Variants in PCDHGB6 observed in about 807,000 individuals in gnomAD.
PCDHGB6 encodes the protein protocadherin gamma-B6.
In PCDHGB6, 51 loss-of-function variants were observed where a neutral mutation model predicts 59.1. That is an observed-to-expected ratio of 0.86 (90% CI 0.69 to 1.09). The LOEUF is 1.09. Among genes scored for constraint, PCDHGB6 ranks in the 50% least tolerant of loss-of-function variants. The pLI is 0.00. For synonymous variants in PCDHGB6, 466 were observed against 495.1 expected (o/e 0.94, Z 0.78); for missense variants, 1,148 against 1,205.1 (o/e 0.95, Z 0.70).
intron 2 of PCDHGB6, among the ~76,000 whole-genome samples, chr5:141,505,007 C>T (rs1210694913): frequency 6.6e-6 from 1 of 152,050 alleles, no homozygotes; most frequent in Non-Finnish European, 1.5e-5. Flanking sequence ...ACTAAAAATA[C>T]AAAAATTAGC....
rs924491576 is a variant in PCDHGB6, at chr5:141,491,579, C to T, written c.2419-3228C>T. On this transcript the variant is annotated intron_variant, in intron 1 of 3. Coordinates refer to ENST00000520790, the MANE Select transcript of PCDHGB6 (RefSeq NM_018926.3). This position sits in a 1 kb window ranked among gnomAD's most constrained non-coding sequence, Gnocchi z 6.9. ...CACTGCTACAGGACGTGCTTTTCAC[C>T]GGCCTCGGACGGCAGTGACTTCACT... is the stretch of plus-strand genomic sequence containing the variant. 18 of 1,613,810 alleles carry T rather than the reference C, an allele frequency of 1.1e-5. No homozygotes were observed. Among genetic ancestry groups the T allele is most frequent in the Non-Finnish European group, 1.4e-5 (17 of 1,180,044 alleles).
chr5:141,449,724 A>AT (rs911465424), intron 1 of PCDHGB6, among the ~76,000 whole-genome samples: 1 of 151,176 alleles, frequency 6.6e-6, no homozygotes, highest in African/African-American at 2.4e-5. Context: ...ATATGATATG[A>AT]TTTTTTTATG....
intron 1 of PCDHGB6, among the ~76,000 whole-genome samples, chr5:141,463,073 C>G (rs911706393): frequency 6.6e-6 from 1 of 152,110 alleles, no homozygotes; most frequent in African/African-American, 2.4e-5. Flanking sequence ...AAATGAAATT[C>G]AAACATTTTC....
chr5:141,467,907 C>A (rs1166486426), intron 1 of PCDHGB6, among the ~76,000 whole-genome samples: 1 of 152,156 alleles, frequency 6.6e-6, no homozygotes, highest in Non-Finnish European at 1.5e-5. Flanking sequence ...AATCCGCCCA[C>A]CTCAGCCTCC....
chr5:141,491,884 G>C lies in PCDHGB6; in HGVS notation c.2419-2923G>C, dbSNP rs745931108. 5.0e-5 allele frequency: 73 copies of C among 1,446,372 alleles called. No homozygotes were observed. The highest frequency in any genetic ancestry group is 6.3e-5 in the Non-Finnish European group (69 of 1,094,334). The allele number at this position is 1,446,372 out of a possible 1,614,324, so 89.6% of individuals were successfully genotyped here. A position where few individuals can be genotyped will look rare whatever the true frequency, so the allele number is the denominator to read the frequency against. On this transcript the variant is annotated intron_variant, in intron 1 of 3. Coordinates refer to ENST00000520790, the MANE Select transcript of PCDHGB6 (RefSeq NM_018926.3). The surrounding 1 kb of genome is among the most constrained non-coding windows in gnomAD (Gnocchi z 6.9). The stretch of plus-strand genomic sequence containing the variant: ...AACCAGAGTGGCCGATTAAGGGATG[G>C]GGCTCCGAGCACCGGGGGTGGTGGC...
At chr5:141,462,144 G>A (rs984269848) in intron 1 of PCDHGB6, among the ~76,000 whole-genome samples, 1 of 152,042 alleles carries the variant, frequency 6.6e-6, no homozygotes, top group South Asian at 2.1e-4. Context: ...ATTTTTAGTA[G>A]AGATGGGGTT....
intron 2 of PCDHGB6, among the ~76,000 whole-genome samples, chr5:141,503,688 T>A (rs2099828724): frequency 6.6e-6 from 1 of 152,042 alleles, no homozygotes; most frequent in African/African-American, 2.4e-5. Context: ...GGAAGGAGAA[T>A]TGAGATTCCT....
At chr5:141,458,201 TAGTTTAAAATA>T (rs1175017515) in intron 1 of PCDHGB6, among the ~76,000 whole-genome samples, 1 of 152,168 alleles carries the variant, frequency 6.6e-6, no homozygotes, top group Non-Finnish European at 1.5e-5. Context: ...AGGCCATAAA[TAGTTTAAAATA>T]AGTTTCCTTT....
At chr5:141,420,252 C>T (rs745697672) in intron 1 of PCDHGB6, 1 of 1,576,604 alleles carries the variant, frequency 6.3e-7, no homozygotes, top group Non-Finnish European at 8.6e-7. Flanking sequence ...AGCGTTGAAG[C>T]AGATAAGAAG....
chr5:141,420,076 T>A, intron 1 of PCDHGB6: 2 of 1,613,956 alleles, frequency 1.2e-6, no homozygotes, highest in Non-Finnish European at 1.7e-6. Context: ...GACCTGTGGG[T>A]CCCCCCAACT....
At chr5:141,438,630 A>T (rs1232206839) in intron 1 of PCDHGB6, among the ~76,000 whole-genome samples, 1 of 38,920 alleles carries the variant, frequency 2.6e-5, no homozygotes, top group East Asian at 8.1e-4. Context: ...ATATATATAT[A>T]TATATACACA....
intron 1 of PCDHGB6, among the ~76,000 whole-genome samples, chr5:141,445,733 T>C (rs1031885468): frequency 6.6e-6 from 1 of 152,186 alleles, no homozygotes; most frequent in Non-Finnish European, 1.5e-5. Context: ...TGTGTAAAGA[T>C]CTTTTTAAAA....
intron 3 of PCDHGB6, among the ~76,000 whole-genome samples, chr5:141,509,353 C>A (rs2099876446): frequency 6.6e-6 from 1 of 152,170 alleles, no homozygotes; most frequent in Non-Finnish European, 1.5e-5. Context: ...CTGGCCTGGG[C>A]ATCCCTGAGG....
At chr5:141,427,777 C>A in intron 1 of PCDHGB6, 1 of 1,432,382 alleles carries the variant, frequency 7.0e-7, no homozygotes, top group Non-Finnish European at 9.7e-7. Flanking sequence ...GAGCTGCGGG[C>A]ACTGTCGTCC....
chr5:141,491,954 C>CA lies in PCDHGB6; in HGVS notation c.2419-2847dup. 1 of 1,032,920 alleles carries CA rather than the reference C, an allele frequency of 9.7e-7. No homozygotes were observed. Among genetic ancestry groups the CA allele is most frequent in the Non-Finnish European group, 1.3e-6 (1 of 747,262 alleles). 64.0% of individuals were successfully genotyped at this position (1,032,920 alleles called of 1,614,324 possible). A position where few individuals can be genotyped will look rare whatever the true frequency, so the allele number is the denominator to read the frequency against. ...TGGGACCGACCCCCACCCCTACACTCAAAAAAGGCCGGGGCCTCCTTCGAG... is the reference window on the plus strand; with the variant it reads ...TGGGACCGACCCCCACCCCTACACTCAAAAAAAGGCCGGGGCCTCCTTCGAG... On this transcript the variant is annotated intron_variant, in intron 1 of 3. Coordinates refer to ENST00000520790, the MANE Select transcript of PCDHGB6 (RefSeq NM_018926.3). This position sits in a 1 kb window ranked among gnomAD's most constrained non-coding sequence, Gnocchi z 6.9.
chr5:141,434,209 A>G (rs946478332), intron 1 of PCDHGB6, among the ~76,000 whole-genome samples: 17 of 152,216 alleles, frequency 1.1e-4, no homozygotes, highest in African/African-American at 4.1e-4. Flanking sequence ...TACTTCTGTC[A>G]GTGTAAACAA....
At chr5:141,448,488 C>A (rs568050769) in intron 1 of PCDHGB6, among the ~76,000 whole-genome samples, 1 of 152,280 alleles carries the variant, frequency 6.6e-6, no homozygotes, top group African/African-American at 2.4e-5. Context: ...TTCCTCCTGT[C>A]CCCTGTAGGT....
In PCDHGB6 at chr5:141,421,780, G is replaced by A. The variant is rs1259671007; in HGVS notation, c.2418+11160G>A. On this transcript the variant is annotated intron_variant, in intron 1 of 3. Coordinates refer to ENST00000520790, the MANE Select transcript of PCDHGB6 (RefSeq NM_018926.3). ...TAATTACTTTTCCTTGCAACTGCGGGGCAGAACGGATGGGGCCAAGAATCC... is the reference window on the plus strand; with the variant it reads ...TAATTACTTTTCCTTGCAACTGCGGAGCAGAACGGATGGGGCCAAGAATCC... The A allele has an allele frequency of 2.5e-6, 4 of 1,613,856 alleles. No homozygotes were observed. In the South Asian group the frequency reaches 4.4e-5, roughly 18 times the overall value.
intron 2 of PCDHGB6, 62 bp downstream of exon 2, chr5:141,494,927 G>C: frequency 6.2e-7 from 1 of 1,613,516 alleles, no homozygotes; most frequent in Non-Finnish European, 8.5e-7. Context: ...GATGACGTGG[G>C]AGGAGATGGG....
Sources: allele counts gnomAD v4.1 joint callset (sites outside exome capture counted in the v4.1 genomes callset), GRCh38; gene constraint gnomAD v4.1.1; non-coding constraint Gnocchi (gnomAD v3.1); transcripts MANE v1.5; gene names NCBI Gene and HGNC (gene_info 2026-07-23, HGNC 2026-07-21).